MYRF: variants seen among roughly 807,000 people sequenced by gnomAD.
MYRF encodes myelin gene regulatory factor.
MYRF carries 16 observed loss-of-function variants against 126.3 expected under a neutral mutation model. The ratio of observed to expected loss-of-function variants is 0.13; its 90% CI spans 0.09 to 0.19. MYRF has a LOEUF of 0.19. Among genes scored for constraint, MYRF ranks in the 10% least tolerant of loss-of-function variants. The pLI is 1.00. For missense variants in MYRF, 1,104 were observed against 1,547.0 expected (o/e 0.71, Z 4.80); for synonymous variants, 608 against 635.3 (o/e 0.96, Z 0.65).
chr11:61,771,982 C>T (rs1591106749), intron 7 of MYRF, 30 bp downstream of exon 7: 1 of 1,611,428 alleles, frequency 6.2e-7, no homozygotes, highest in Admixed American at 1.7e-5. Flanking sequence ...CCCCACTCCT[C>T]CAGGCCCCCC....
At position 61,778,542 on chromosome 11, in the gene MYRF, G is replaced by T; in HGVS notation, c.2013+53G>T. 7.7e-7 allele frequency: 1 copy of T among 1,292,592 alleles called. No homozygotes were observed. Among genetic ancestry groups the T allele is most frequent in the South Asian group, 1.2e-5 (1 of 84,542 alleles). 80.1% of individuals were successfully genotyped at this position (1,292,592 alleles called of 1,614,324 possible). A position where few individuals can be genotyped will look rare whatever the true frequency, so the allele number is the denominator to read the frequency against. ...CCCAGAGGCAAGTGGGGAGCCAGCT[G>T]GGGAACACTCATCACCTCCATAGAT... On this transcript the variant is annotated intron_variant, in intron 14 of 26. Transcript: ENST00000278836. The surrounding 1 kb of genome is among the most constrained non-coding windows in gnomAD (Gnocchi z 4.6).
intron 4 of MYRF, among the ~76,000 whole-genome samples, chr11:61,769,677 GC>G (rs963793517): frequency 8.5e-5 from 13 of 152,296 alleles, no homozygotes; most frequent in African/African-American, 3.1e-4. Context: ...GGGTGCCCTG[GC>G]CCCCAGGTGG....
Position 61,773,988 on chromosome 11 carries a change from G to T in MYRF, c.1137G>T (p.Val379=). The T allele has an allele frequency of 6.2e-7, 1 of 1,612,736 alleles. No homozygotes were observed. The highest frequency in any genetic ancestry group is 8.5e-7 in the Non-Finnish European group (1 of 1,179,826). The change falls in exon 8 of 27, where the codon GTG becomes GTT. Residue 379 remains valine, a synonymous_variant. Transcript: ENST00000278836. ...CCAGGCCCATGCTCACCTACCGCGT[G>T]GATGCGGACAAGGGCTTCAACTTTT... ...YKELPMLTYR[V]DADKGFNFSV...
intron 1 of MYRF, among the ~76,000 whole-genome samples, chr11:61,758,268 A>G (rs1461148261): frequency 6.6e-6 from 1 of 152,158 alleles, no homozygotes; most frequent in African/African-American, 2.4e-5. Flanking sequence ...GGAGTGCACA[A>G]CCACAGCCTC....
Position 61,779,452 on chromosome 11 carries a change from A to T in MYRF, c.2174+29A>T, listed in dbSNP as rs563815040. On this transcript the variant is annotated intron_variant, in intron 15 of 26. Coordinates refer to ENST00000278836, the MANE Select transcript of MYRF (RefSeq NM_001127392.3). ...GGGGTGCGGGGTGGGGGAAGGTGAG[A>T]CCCTTCTTCCCAGGGACACCCCTGA... is the stretch of plus-strand genomic sequence containing the variant. 1.0e-5 allele frequency: 16 copies of T among 1,547,754 alleles called. No homozygotes were observed. In the East Asian group the frequency reaches 3.7e-4, roughly 35 times the overall value.
Position 61,776,684 on chromosome 11 carries a change from C to T in MYRF, c.1500-103C>T. ...CCCCTGGTGGAGGCTCGGGTTCCTC[C>T]TCTGTAGGAGGGGGTGAGATGAACA... On this transcript the variant is annotated intron_variant, in intron 10 of 26. Coordinates refer to ENST00000278836, the MANE Select transcript of MYRF (RefSeq NM_001127392.3). This position sits in a 1 kb window ranked among gnomAD's most constrained non-coding sequence, Gnocchi z 4.3. 1 of 986,496 alleles carries T rather than the reference C, an allele frequency of 1.0e-6. No individual in the cohort carries two copies. The highest frequency in any genetic ancestry group is 1.5e-6 in the Non-Finnish European group (1 of 672,338). 61.1% of individuals were successfully genotyped at this position (986,496 alleles called of 1,614,324 possible).
chr11:61,775,938 G>C, intron 8 of MYRF, 118 bp from the exon 9 acceptor site: 1 of 906,584 alleles, frequency 1.1e-6, no homozygotes, highest in Non-Finnish European at 1.8e-6. Flanking sequence ...CTGAGGGCTG[G>C]GTGCTGCCCT....
rs766228105 is a variant in MYRF at position 61,771,719 on chromosome 11, G to A, written c.960G>A (p.Pro320=). The change falls in exon 6 of 27, where the codon CCG becomes CCA. Residue 320 remains proline (P), a synonymous_variant. Transcript: ENST00000278836. ...TCAGCATTGCCCGTGTCCAGACACC[G>A]CCTTGGCACCCGCCAGGTGCCCCCT... ...LPLSIARVQT[P]PWHPPGAPSP... is the part of the protein sequence containing the mutation. The A allele has an allele frequency of 2.0e-5, 32 of 1,612,580 alleles. 1 individual carries two copies. In the South Asian group the frequency reaches 2.4e-4, roughly 12 times the overall value.
At position 61,773,992 on chromosome 11, in the gene MYRF, G is replaced by A; in HGVS notation, c.1141G>A (p.Ala381Thr). Residue 381 changes from alanine to threonine, a missense_variant, in exon 8 of 27, where the codon GCG becomes ACG. This residue lies in a region of MYRF where 87 missense variants were observed against 129.2 expected (regional missense o/e 0.67). Transcript: ENST00000278836. ...GCCCATGCTCACCTACCGCGTGGAT[G>A]CGGACAAGGGCTTCAACTTTTCGGT... ...ELPMLTYRVD[A>T]DKGFNFSVGD... 1 of 1,599,050 alleles carries A rather than the reference G, an allele frequency of 6.3e-7. No homozygotes were observed. Among genetic ancestry groups the A allele is most frequent in the Non-Finnish European group, 8.5e-7 (1 of 1,169,866 alleles).
At position 61,771,578 on chromosome 11, in the gene MYRF, A is replaced by G; in HGVS notation, c.819A>G (p.Gly273=). 6.2e-7 allele frequency: 1 copy of G among 1,613,912 alleles called. No individual in the cohort carries two copies. The highest frequency in any genetic ancestry group is 1.7e-4 in the Middle Eastern group (1 of 6,058). The stretch of plus-strand genomic sequence containing the variant: ...CCCTCAATGCCCAGATGCTGAATGG[A>G]ATGATCAAACAGGAGCCTGGGACCG... ...PSTLNAQMLN[G]MIKQEPGTVT... The change falls in exon 6 of 27, where the codon GGA becomes GGG. Residue 273 remains glycine (G), a synonymous_variant. Transcript: ENST00000278836.
At chr11:61,756,603 C>T (rs2065764224) in intron 1 of MYRF, among the ~76,000 whole-genome samples, 1 of 150,980 alleles carries the variant, frequency 6.6e-6, no homozygotes, top group South Asian at 2.1e-4. Context: ...GTCCCCAGCA[C>T]CCAGTGCAGG....
intron 1 of MYRF, chr11:61,755,249 T>C: frequency 2.3e-6 from 2 of 887,908 alleles, no homozygotes; most frequent in Non-Finnish European, 3.5e-6. Flanking sequence ...CCTGTGCCGG[T>C]GGTGGGCTGG....
At position 61,785,698 on chromosome 11, in the gene MYRF, T is replaced by G; in HGVS notation, c.3301-102T>G. ...CAAAGTTCTCTGCTTTTTTCCTTCA[T>G]AAAACTCCCCACAGACCCCAGGACT... On this transcript the variant is annotated intron_variant, in intron 25 of 26. Coordinates refer to ENST00000278836, the MANE Select transcript of MYRF (RefSeq NM_001127392.3). 4 of 936,918 alleles carry G rather than the reference T, an allele frequency of 4.3e-6. No individual in the cohort carries two copies. In the South Asian group the frequency reaches 5.8e-5, roughly 13 times the overall value. 58.0% of individuals were successfully genotyped at this position (936,918 alleles called of 1,614,324 possible).
At position 61,777,482 on chromosome 11, in the gene MYRF, G is replaced by A; in HGVS notation, c.1791+18G>A. The A allele has an allele frequency of 6.3e-7, 1 of 1,580,906 alleles. No homozygotes were observed. Among genetic ancestry groups the A allele is most frequent in the Non-Finnish European group, 8.6e-7 (1 of 1,163,468 alleles). On this transcript the variant is annotated intron_variant, in intron 12 of 26. Transcript: ENST00000278836. The surrounding 1 kb of genome is among the most constrained non-coding windows in gnomAD (Gnocchi z 8.8). ...TGCAGGAGGTGGGGACAGGGCTGTG[G>A]GGGCCGGGCGGGTCCAGACGCTGGA... is the stretch of plus-strand genomic sequence containing the variant.
intron 1 of MYRF, among the ~76,000 whole-genome samples, chr11:61,758,715 C>T (rs964472050): frequency 2.0e-5 from 3 of 152,234 alleles, no homozygotes. Context: ...CCATCTGGAA[C>T]CTTCTAGAAT....
intron 1 of MYRF, among the ~76,000 whole-genome samples, chr11:61,758,665 G>A (rs2065825817): frequency 6.6e-6 from 1 of 152,204 alleles, no homozygotes; most frequent in Non-Finnish European, 1.5e-5. Context: ...ACATGCACAG[G>A]CATGCTCGTA....
Position 61,776,462 on chromosome 11 carries a change from C to G in MYRF, c.1499+30C>G, listed in dbSNP as rs766286589. The stretch of plus-strand genomic sequence containing the variant: ...GCAGGTGGGGGCCCTGCCCCGGAGC[C>G]CCTCCATTTCTGAGGCAGGAAGACA... On this transcript the variant is annotated intron_variant, in intron 10 of 26. Coordinates refer to ENST00000278836, the MANE Select transcript of MYRF (RefSeq NM_001127392.3). The surrounding 1 kb of genome is among the most constrained non-coding windows in gnomAD (Gnocchi z 4.3). 5.1e-6 allele frequency: 8 copies of G among 1,581,574 alleles called. No individual in the cohort carries two copies. The highest frequency in any genetic ancestry group is 2.3e-5 in the East Asian group (1 of 43,490).
chr11:61,784,184 G>A, intron 24 of MYRF, 96 bp from the exon 25 acceptor site: 2 of 1,202,458 alleles, frequency 1.7e-6, no homozygotes, highest in East Asian at 2.5e-5. Context: ...TTCAGGCTGG[G>A]TGGAGATTCA....
At chr11:61,784,051 G>A in intron 24 of MYRF, 126 bp downstream of exon 24, 2 of 1,216,560 alleles carry the variant, frequency 1.6e-6, no homozygotes, top group East Asian at 2.6e-5. Context: ...GGTGGGATAA[G>A]TGCTGACTTC....
Sources: allele counts gnomAD v4.1 joint callset (sites outside exome capture counted in the v4.1 genomes callset), GRCh38; gene constraint gnomAD v4.1.1; regional missense constraint gnomAD v4.1.1; non-coding constraint Gnocchi (gnomAD v3.1); transcripts MANE v1.5; gene names NCBI Gene and HGNC (gene_info 2026-07-23, HGNC 2026-07-21).